Variants in PRKAR1B observed in about 807,000 individuals in gnomAD.
PRKAR1B encodes the protein protein kinase cAMP-dependent type I regulatory subunit beta, also known as cAMP-dependent protein kinase type I-beta regulatory subunit.
In PRKAR1B, 22 loss-of-function variants were observed where a neutral mutation model predicts 46.5. The ratio of observed to expected loss-of-function variants is 0.47; its 90% confidence interval spans 0.34 to 0.68. PRKAR1B has a LOEUF of 0.68. Ranked by LOEUF, PRKAR1B falls within the 30% of genes least tolerant of loss-of-function variation. The pLI, the probability that PRKAR1B is intolerant of heterozygous loss-of-function variation, is 0.01. For synonymous variants in PRKAR1B, 259 were observed against 217.7 expected, an observed-to-expected ratio of 1.19 and a Z score of -1.67; for missense variants, 445 against 535.6, an observed-to-expected ratio of 0.83 and a Z score of 1.67.
At chr7:693,429 G>A (rs114607545) in intron 2 of PRKAR1B, among the ~76,000 whole-genome samples, 5,103 of 138,138 alleles carry the variant, frequency 0.037, 319 homozygotes, top group African/African-American at 0.13. Flanking sequence ...CCCAGCCCCC[G>A]ACAGCCCCGA....
chr7:638,394 C>G (rs1784230715), intron 4 of PRKAR1B, among the ~76,000 whole-genome samples: 1 of 152,152 alleles, frequency 6.6e-6, no homozygotes, highest in Admixed American at 6.5e-5. Flanking sequence ...CTGGGGCTGA[C>G]AGATCGTCCC....
At chr7:727,092 C>T in intron 1 of PRKAR1B, 118 bp downstream of exon 1, 1 of 1,057,084 alleles carries the variant, frequency 9.5e-7, no homozygotes, top group Non-Finnish European at 1.1e-6. Context: ...TCGCCGCGCG[C>T]TTGGCCGGCC....
intron 9 of PRKAR1B, among the ~76,000 whole-genome samples, chr7:558,677 G>A (rs1211507893): frequency 1.3e-5 from 2 of 151,662 alleles, no homozygotes; most frequent in African/African-American, 4.8e-5. Context: ...TGAATGAACC[G>A]AGAGGGGGAG....
intron 4 of PRKAR1B, among the ~76,000 whole-genome samples, chr7:652,006 C>T (rs1784926869): frequency 1.2e-5 from 1 of 82,294 alleles, no homozygotes; most frequent in African/African-American, 5.7e-5. Flanking sequence ...AGCTAGGAAC[C>T]TGGGGAAACC....
intron 4 of PRKAR1B, among the ~76,000 whole-genome samples, chr7:637,575 T>C (rs1784184325): frequency 6.6e-6 from 1 of 152,126 alleles, no homozygotes; most frequent in African/African-American, 2.4e-5. Context: ...GGCTCACGCC[T>C]GTGATCCCAG....
In PRKAR1B at chr7:711,309, G is replaced by A. The variant is rs761658858; in HGVS notation, c.177+20C>T. On this transcript the variant is annotated intron_variant, in intron 2 of 10. Transcript: ENST00000537384. ...CAGGACACGTGCGAAGGGAAGCAGC[G>A]GGCGGCGGGGGCCACTCACCTTCTC... 1.9e-6 allele frequency: 3 copies of A among 1,613,382 alleles called. No individual in the cohort carries two copies. Among genetic ancestry groups the A allele is most frequent in the South Asian group, 1.1e-5 (1 of 91,006 alleles).
intron 6 of PRKAR1B, among the ~76,000 whole-genome samples, chr7:605,147 G>A (rs918615139): frequency 5.9e-5 from 9 of 152,240 alleles, no homozygotes; most frequent in Admixed American, 2.0e-4. Flanking sequence ...CGGGGTTCCC[G>A]GCAGAGCAGG....
chr7:581,136 T>C (rs539048281), intron 8 of PRKAR1B, among the ~76,000 whole-genome samples: 1 of 152,106 alleles, frequency 6.6e-6, no homozygotes, highest in African/African-American at 2.4e-5. Flanking sequence ...ACGCCGTCTC[T>C]ACTAAAAATA....
At chr7:613,939 C>T (rs1196327675) in intron 4 of PRKAR1B, among the ~76,000 whole-genome samples, 1 of 152,208 alleles carries the variant, frequency 6.6e-6, no homozygotes, top group Non-Finnish European at 1.5e-5. Flanking sequence ...GCTGGGAGGT[C>T]CCCGCAGGGG....
At chr7:601,992 C>T (rs1428161149) in intron 6 of PRKAR1B, among the ~76,000 whole-genome samples, 1 of 152,070 alleles carries the variant, frequency 6.6e-6, no homozygotes, top group Non-Finnish European at 1.5e-5. Flanking sequence ...TGGGGAACTC[C>T]AGTTACACGA....
chr7:726,193 C>T (rs1781264596), intron 1 of PRKAR1B, among the ~76,000 whole-genome samples: 1 of 152,258 alleles, frequency 6.6e-6, no homozygotes, highest in Non-Finnish European at 1.5e-5. Context: ...TATTGGGCGG[C>T]TACGCCTGAG....
At chr7:571,838 G>T (rs1246461178) in intron 9 of PRKAR1B, among the ~76,000 whole-genome samples, 1 of 152,208 alleles carries the variant, frequency 6.6e-6, no homozygotes, top group Non-Finnish European at 1.5e-5. Flanking sequence ...TTTCCCGTCC[G>T]CGGTGAGGTG....
At chr7:655,108 C>A (rs1785129133) in intron 4 of PRKAR1B, among the ~76,000 whole-genome samples, 2 of 152,166 alleles carry the variant, frequency 1.3e-5, no homozygotes, top group Admixed American at 1.3e-4. Flanking sequence ...CCACTTCTGC[C>A]CTTGTCCCCC....
At chr7:611,060 G>A (rs980131637) in intron 4 of PRKAR1B, among the ~76,000 whole-genome samples, 1 of 152,148 alleles carries the variant, frequency 6.6e-6, no homozygotes, top group African/African-American at 2.4e-5. Flanking sequence ...ATCCTCACCC[G>A]CCCCTATGAG....
intron 1 of PRKAR1B, chr7:726,607 C>A: frequency 2.4e-6 from 2 of 816,504 alleles, no homozygotes; most frequent in South Asian, 1.2e-4. Flanking sequence ...TGCGCACCGG[C>A]GGGGAGGAAG....
intron 4 of PRKAR1B, among the ~76,000 whole-genome samples, chr7:632,915 G>T (rs1432740571): frequency 6.6e-6 from 1 of 152,234 alleles, no homozygotes; most frequent in East Asian, 1.9e-4. Context: ...GGGCCACACA[G>T]TGCCTGTCCG....
intron 7 of PRKAR1B, among the ~76,000 whole-genome samples, chr7:589,314 T>C (rs1317456265): frequency 6.6e-6 from 1 of 151,942 alleles, no homozygotes; most frequent in Non-Finnish European, 1.5e-5. Flanking sequence ...CCTTGGTCCT[T>C]GTCTGCTTCC....
chr7:727,118 G>A (rs1562369543), intron 1 of PRKAR1B, 92 bp downstream of exon 1: 1 of 1,130,406 alleles, frequency 8.8e-7, no homozygotes, highest in Non-Finnish European at 1.1e-6. Flanking sequence ...CCCGCGCGCC[G>A]CCCGCCCGAG....
upstream of PRKAR1B, among the ~76,000 whole-genome samples, chr7:727,881 C>T (rs1042564544): frequency 6.6e-6 from 1 of 151,402 alleles, no homozygotes; most frequent in African/African-American, 2.4e-5. Context: ...TGGAAACCAC[C>T]GCAGAAATTC....
Sources: allele counts gnomAD v4.1 joint callset (sites outside exome capture counted in the v4.1 genomes callset), GRCh38; gene constraint gnomAD v4.1.1; transcripts MANE v1.5; gene names NCBI Gene and HGNC (gene_info 2026-07-23, HGNC 2026-07-21).